The following SPSB4 variants were observed in gnomAD, a reference collection of about 807,000 sequenced individuals.
SPSB4 encodes the protein splA/ryanodine receptor domain and SOCS box containing 4, also known as SPRY domain-containing SOCS box protein 4.
A neutral mutation model predicts 20.9 loss-of-function variants in SPSB4; 21 were observed. The observed-to-expected ratio is 1.01, with a 90% CI of 0.71 to 1.45. The LOEUF is 1.45. SPSB4 is among the 40% of genes most tolerant of loss of function. SPSB4 has a pLI of 0.00. For missense variants in SPSB4, 399 were observed against 399.2 expected (o/e 1.00, Z 0.00); for synonymous variants, 207 against 183.8 (o/e 1.13, Z -1.02).
intron 1 of SPSB4, among the ~76,000 whole-genome samples, chr3:141,055,697 T>G (rs1937623723): frequency 6.6e-6 from 1 of 151,942 alleles, no homozygotes; most frequent in South Asian, 2.1e-4. Context: ...GCAGGAACAG[T>G]GACATGCAGA....
At chr3:141,069,435 T>G (rs1300407543) in intron 2 of SPSB4, among the ~76,000 whole-genome samples, 1 of 152,168 alleles carries the variant, frequency 6.6e-6, no homozygotes, top group East Asian at 1.9e-4. Context: ...CAAGGTGGAT[T>G]CTGTGCATGG....
At chr3:141,101,389 C>T (rs1938610438) in intron 2 of SPSB4, among the ~76,000 whole-genome samples, 1 of 152,190 alleles carries the variant, frequency 6.6e-6, no homozygotes, top group Admixed American at 6.5e-5. Context: ...CTTTTGTCTT[C>T]AGCCTGGGGA....
chr3:141,139,813 C>G (rs377217702), intron 2 of SPSB4, among the ~76,000 whole-genome samples: 5 of 152,150 alleles, frequency 3.3e-5, no homozygotes, highest in African/African-American at 1.2e-4. Context: ...AATTATGTGT[C>G]TTGGAGTTGC....
chr3:141,142,593 T>A (rs1184154240), intron 2 of SPSB4, among the ~76,000 whole-genome samples: 4 of 152,190 alleles, frequency 2.6e-5, no homozygotes, highest in Non-Finnish European at 5.9e-5. Context: ...CCATTGTTTC[T>A]TTGTTGACTC....
At chr3:141,068,593 TCCTTAAGACTCA>T (rs1437726317) in intron 2 of SPSB4, among the ~76,000 whole-genome samples, 2 of 152,222 alleles carry the variant, frequency 1.3e-5, no homozygotes, top group African/African-American at 4.8e-5. Context: ...TCACTCTTAC[TCCTTAAGACTCA>T]CTTTATTCAT....
chr3:141,123,557 A>G (rs770161223), intron 2 of SPSB4, among the ~76,000 whole-genome samples: 30 of 152,302 alleles, frequency 2.0e-4, no homozygotes, highest in Non-Finnish European at 4.0e-4. Flanking sequence ...GCTGTCCCCA[A>G]ATTCCTCATT....
intron 2 of SPSB4, among the ~76,000 whole-genome samples, chr3:141,091,329 C>A (rs1474795319): frequency 6.6e-6 from 1 of 152,312 alleles, no homozygotes; most frequent in East Asian, 1.9e-4. Flanking sequence ...ATAACCACCT[C>A]GTGAGCATTG....
intron 2 of SPSB4, among the ~76,000 whole-genome samples, chr3:141,125,235 T>A (rs1397370830): frequency 6.6e-6 from 1 of 152,196 alleles, no homozygotes; most frequent in Non-Finnish European, 1.5e-5. Context: ...CAGGTATGAC[T>A]TTGGTTGTAA....
chr3:141,125,840 TTAAA>T (rs1939041831), intron 2 of SPSB4, among the ~76,000 whole-genome samples: 1 of 152,198 alleles, frequency 6.6e-6, no homozygotes, highest in Non-Finnish European at 1.5e-5. Context: ...CTTTGGGAGT[TTAAA>T]TAAATATTAC....
chr3:141,081,174 C>T (rs552629859), intron 2 of SPSB4, among the ~76,000 whole-genome samples: 2 of 152,314 alleles, frequency 1.3e-5, no homozygotes, highest in East Asian at 3.9e-4. Context: ...AGCCACTAGC[C>T]CTAACCATAT....
At position 141,082,547 on chromosome 3, in the gene SPSB4, T is replaced by C. The variant is rs76384013; in HGVS notation, c.694+15749T>C. Among the ~76,000 whole-genome samples the C allele has an allele frequency of 6.0e-3, 917 of 152,314 alleles. 59 individuals carry two copies. The East Asian group carries it at 0.15, about 25-fold the overall frequency. On this transcript the variant is annotated intron_variant, in intron 2 of 2. Coordinates refer to ENST00000310546, the MANE Select transcript of SPSB4 (RefSeq NM_080862.3). ...TTTCTGTCACAGAACTGCTGTGCTT[T>C]CCAGCAATATAGGCGGTGAAGAAAA...
chr3:141,117,728 C>T lies in SPSB4; in HGVS notation c.695-29414C>T, dbSNP rs143681693. Reference sequence around the variant, plus strand: ...TCCATGTGTTCTCATTGTTCAACTCCCACTTATGAGTGAGAACATACAGTG... The same window carrying T: ...TCCATGTGTTCTCATTGTTCAACTCTCACTTATGAGTGAGAACATACAGTG... On this transcript the variant is annotated intron_variant, in intron 2 of 2. Coordinates refer to ENST00000310546, the MANE Select transcript of SPSB4 (RefSeq NM_080862.3). Among the ~76,000 whole-genome samples, 1,474 of 152,294 alleles carry T rather than the reference C, an allele frequency of 9.7e-3. 28 individuals carry two copies. The highest frequency in any genetic ancestry group is 0.034 in the African/African-American group (1,414 of 41,552).
intron 1 of SPSB4, among the ~76,000 whole-genome samples, chr3:141,052,505 C>G (rs1936111576): frequency 6.6e-6 from 1 of 152,208 alleles, no homozygotes; most frequent in Non-Finnish European, 1.5e-5. Flanking sequence ...ATCCAACTTT[C>G]CGAAGCTGCA....
chr3:141,066,065 G>A lies in SPSB4; in HGVS notation c.-40G>A. The A allele has an allele frequency of 6.8e-7, 1 of 1,463,310 alleles. No homozygotes were observed. The highest frequency in any genetic ancestry group is 9.0e-7 in the Non-Finnish European group (1 of 1,114,698). The allele number at this position is 1,463,310 out of a possible 1,614,324, so 90.6% of individuals were successfully genotyped here. Reference sequence around the variant, plus strand: ...TACGGGGAGTGGAGGCTCCCACGAGGTAGCGGTGGCCTGCAGCGGCCTCCT... The same window carrying A: ...TACGGGGAGTGGAGGCTCCCACGAGATAGCGGTGGCCTGCAGCGGCCTCCT... On this transcript the variant is annotated 5_prime_UTR_variant, in exon 2 of 3. Transcript: ENST00000310546.
chr3:141,077,110 G>A (rs77755755), intron 2 of SPSB4: 1 of 152,120 alleles, frequency 6.6e-6, no homozygotes, highest in Non-Finnish European at 1.5e-5. Flanking sequence ...CACTAATAAG[G>A]CTGCTTGTCT....
chr3:141,118,730 C>T (rs1938918799), intron 2 of SPSB4, among the ~76,000 whole-genome samples: 1 of 152,204 alleles, frequency 6.6e-6, no homozygotes, highest in Non-Finnish European at 1.5e-5. Context: ...TTTTCCAGCA[C>T]TACTTATTAT....
At chr3:141,096,989 T>C (rs1047855336) in intron 2 of SPSB4, among the ~76,000 whole-genome samples, 16 of 152,236 alleles carry the variant, frequency 1.1e-4, no homozygotes, top group Admixed American at 2.0e-4. Flanking sequence ...TTCCTGTCTC[T>C]GATTTCCTTG....
At chr3:141,135,688 CT>C (rs1559857027) in intron 2 of SPSB4, among the ~76,000 whole-genome samples, 1 of 152,114 alleles carries the variant, frequency 6.6e-6, no homozygotes, top group Non-Finnish European at 1.5e-5. Context: ...TTTTTTATGG[CT>C]GCATAGTATT....
Position 141,051,592 on chromosome 3 carries a change from G to A in SPSB4, c.-554G>A, listed in dbSNP as rs1419886352. 1 of 151,252 alleles carries A rather than the reference G, an allele frequency of 6.6e-6. No individual in the cohort carries two copies. The allele number at this position is 151,252 out of a possible 1,614,324, so 9.4% of individuals were successfully genotyped here. ...GCTGGGGAAGACGCCCGGCGCGCCG[G>A]GGGCCAGCGGCCGAGGCGCGGCCCG... On this transcript the variant is annotated 5_prime_UTR_variant, in exon 1 of 3. Coordinates refer to ENST00000310546, the MANE Select transcript of SPSB4 (RefSeq NM_080862.3).
Sources: allele counts gnomAD v4.1 joint callset (sites outside exome capture counted in the v4.1 genomes callset), GRCh38; gene constraint gnomAD v4.1.1; transcripts MANE v1.5; gene names NCBI Gene and HGNC (gene_info 2026-07-23, HGNC 2026-07-21).